PDPN: variants seen among roughly 807,000 people sequenced by gnomAD.
PDPN encodes PA2.26 antigen.
PDPN carries 12 observed loss-of-function variants against 23.2 expected under a neutral mutation model. The ratio of observed to expected loss-of-function variants is 0.52; its 90% CI spans 0.33 to 0.84. The LOEUF is 0.84. Among genes scored for constraint, PDPN ranks in the 40% least tolerant of loss-of-function variants. The pLI is 0.02. For synonymous variants in PDPN, 77 were observed against 76.7 expected (o/e 1.00, Z -0.02); for missense variants, 199 against 212.2 (o/e 0.94, Z 0.39).
chr1:13,610,567 G>A (rs1196369980), intron 3 of PDPN, 51 bp downstream of exon 3: 1 of 1,583,712 alleles, frequency 6.3e-7, no homozygotes. Context: ...TGCATAATTG[G>A]TGCATTCCAA....
At chr1:13,602,656 G>A (rs973025731) in intron 1 of PDPN, among the ~76,000 whole-genome samples, 3 of 152,020 alleles carry the variant, frequency 2.0e-5, no homozygotes, top group African/African-American at 7.2e-5. Context: ...TCTGCCTCCT[G>A]GGTTCAAGTG....
intron 1 of PDPN, among the ~76,000 whole-genome samples, chr1:13,594,124 GTCAT>G (rs1390110575): frequency 6.6e-6 from 1 of 152,220 alleles, no homozygotes; most frequent in Non-Finnish European, 1.5e-5. Flanking sequence ...AACTGTGAAT[GTCAT>G]TCATCCATTC....
intron 3 of PDPN, 129 bp downstream of exon 3, chr1:13,610,645 C>T: frequency 2.2e-6 from 2 of 896,222 alleles, no homozygotes; most frequent in Non-Finnish European, 3.4e-6. Flanking sequence ...CTGAACCAAG[C>T]TTTATATGGT....
intron 1 of PDPN, chr1:13,595,823 A>T: frequency 7.9e-7 from 1 of 1,262,880 alleles, no homozygotes; most frequent in Non-Finnish European, 1.0e-6. Context: ...CTCTTTCATT[A>T]CAGGGGAAGG....
intron 1 of PDPN, among the ~76,000 whole-genome samples, chr1:13,590,004 G>A (rs1045123236): frequency 2.0e-5 from 3 of 152,000 alleles, no homozygotes; most frequent in Non-Finnish European, 4.4e-5. Flanking sequence ...ATTTTTCTAC[G>A]TTTGGTAGAG....
At chr1:13,593,548 C>T (rs1214827071) in intron 1 of PDPN, among the ~76,000 whole-genome samples, 1 of 152,198 alleles carries the variant, frequency 6.6e-6, no homozygotes, top group Non-Finnish European at 1.5e-5. Context: ...GAGATTGAGG[C>T]CAAGGGACGC....
chr1:13,584,678 T>C (rs1640127412), intron 1 of PDPN, among the ~76,000 whole-genome samples: 1 of 152,200 alleles, frequency 6.6e-6, no homozygotes, highest in Non-Finnish European at 1.5e-5. Flanking sequence ...GAGGATAGTG[T>C]GTGTGGAAAG....
chr1:13,603,266 C>A (rs1239680252), intron 1 of PDPN, among the ~76,000 whole-genome samples: 1 of 151,962 alleles, frequency 6.6e-6, no homozygotes, highest in Non-Finnish European at 1.5e-5. Context: ...ACCTGTAATC[C>A]CAGCTACTTG....
chr1:13,615,764 G>T, intron 5 of PDPN, 141 bp from the exon 6 acceptor site: 2 of 815,666 alleles, frequency 2.5e-6, no homozygotes, highest in Admixed American at 2.0e-5. Flanking sequence ...CATGGAGGAG[G>T]AATGTCAGGA....
At chr1:13,585,795 T>A (rs773172940) in intron 1 of PDPN, among the ~76,000 whole-genome samples, 9 of 152,142 alleles carry the variant, frequency 5.9e-5, no homozygotes, top group Non-Finnish European at 8.8e-5. Flanking sequence ...GGTTTTTGTC[T>A]GAGAATAATG....
chr1:13,600,596 C>A (rs1401733654), intron 1 of PDPN, among the ~76,000 whole-genome samples: 2 of 152,188 alleles, frequency 1.3e-5, no homozygotes, highest in Non-Finnish European at 2.9e-5. Context: ...AACTCCCGAC[C>A]TCAGGTCATC....
rs779072490 is a variant in PDPN at position 13,583,918 on chromosome 1, C to T, written c.-116C>T. 2.5e-6 allele frequency: 4 copies of T among 1,611,166 alleles called. No individual in the cohort carries two copies. Among genetic ancestry groups the T allele is most frequent in the South Asian group, 2.2e-5 (2 of 90,830 alleles). ...GGGGCTCCTGCTCCCACCCCTCCGG[C>T]CCCCCCACCGTCGCGCTCCTCCAGG... On this transcript the variant is annotated 5_prime_UTR_variant, in exon 1 of 6. Coordinates refer to ENST00000621990, the MANE Select transcript of PDPN (RefSeq NM_006474.5).
At chr1:13,613,594 C>T in intron 3 of PDPN, 93 bp from the exon 4 acceptor site, 1 of 723,478 alleles carries the variant, frequency 1.4e-6, no homozygotes, top group Non-Finnish European at 2.5e-6. Context: ...TGTTTTGCTG[C>T]TTTCCACTTG....
At chr1:13,587,777 G>C (rs574546166) in intron 1 of PDPN, among the ~76,000 whole-genome samples, 1 of 152,168 alleles carries the variant, frequency 6.6e-6, no homozygotes, top group Non-Finnish European at 1.5e-5. Flanking sequence ...TAGAGCCCCG[G>C]TAGGGAATAA....
intron 1 of PDPN, among the ~76,000 whole-genome samples, chr1:13,594,139 A>AT (rs1280673655): frequency 6.6e-6 from 1 of 152,256 alleles, no homozygotes; most frequent in African/African-American, 2.4e-5. Flanking sequence ...TCATCCATTC[A>AT]TTCAGGCAGC....
At chr1:13,603,431 G>A (rs886479041) in intron 1 of PDPN, among the ~76,000 whole-genome samples, 4 of 152,226 alleles carry the variant, frequency 2.6e-5, no homozygotes, top group South Asian at 2.1e-4. Context: ...GCAATCTAGC[G>A]AGTTATTAGA....
chr1:13,598,916 G>GTCTGTCCAGTAGGACAGACAA (rs1346659668), intron 1 of PDPN, among the ~76,000 whole-genome samples: 3 of 152,064 alleles, frequency 2.0e-5, no homozygotes, highest in Admixed American at 1.3e-4. Context: ...GTAGCGAGCA[G>GTCTGTCCAGTAGGACAGACAA]GTAGCAGGGT....
intron 1 of PDPN, among the ~76,000 whole-genome samples, chr1:13,600,683 C>A (rs1476506500): frequency 6.6e-6 from 1 of 152,132 alleles, no homozygotes; most frequent in East Asian, 1.9e-4. Context: ...TAACTTCCGA[C>A]CTTGTTAAAG....
chr1:13,613,763 G>T (rs768101524), intron 4 of PDPN, 38 bp downstream of exon 4: 16 of 1,233,656 alleles, frequency 1.3e-5, no homozygotes, highest in South Asian at 1.2e-4. Flanking sequence ...TCTTACTGGG[G>T]TTTTTTAAAA....
Sources: allele counts gnomAD v4.1 joint callset (sites outside exome capture counted in the v4.1 genomes callset), GRCh38; gene constraint gnomAD v4.1.1; transcripts MANE v1.5; gene names NCBI Gene and HGNC (gene_info 2026-07-23, HGNC 2026-07-21).